EYA1: variants seen among roughly 807,000 people sequenced by gnomAD.
EYA1 encodes the protein protein phosphatase EYA1.
In EYA1, 16 loss-of-function variants were observed where a neutral mutation model predicts 82.0. The observed-to-expected ratio is 0.20, with a 90% CI of 0.13 to 0.30. The LOEUF is 0.30. Among genes scored for constraint, EYA1 ranks in the 10% least tolerant of loss-of-function variants. The probability of loss-of-function intolerance (pLI) is 1.00; values close to 1 mark genes in which losing one functional copy is unlikely to be tolerated. For missense variants in EYA1, 633 were observed against 730.7 expected, an observed-to-expected ratio of 0.87 and a Z score of 1.54; for synonymous variants, 261 against 264.4, an observed-to-expected ratio of 0.99 and a Z score of 0.12.
chr8:71,452,539 C>T (rs1807478586), intron 2 of EYA1, among the ~76,000 whole-genome samples: 2 of 152,174 alleles, frequency 1.3e-5, no homozygotes, highest in African/African-American at 4.8e-5. Context: ...AGACTGACAC[C>T]TCACACGACT....
intron 2 of EYA1, among the ~76,000 whole-genome samples, chr8:71,471,562 A>G (rs192310011): frequency 9.9e-5 from 15 of 152,202 alleles, no homozygotes; most frequent in African/African-American, 3.6e-4. Flanking sequence ...AATAAAACAC[A>G]AAAGTGATCT....
Position 71,199,391 on chromosome 8 carries a change from G to T in EYA1, c.1728C>A (p.Ser576Arg), listed in dbSNP as rs1806637940. ...KHAMPFWRIS[S>R]HSDLMALHHA... is the part of the protein sequence containing the mutation. ...GGTGCAGGGCCATGAGGTCCGAGTGGCTGGAGATCCTCCAGAAGGGCATCG... is the reference window on the plus strand; with the variant it reads ...GGTGCAGGGCCATGAGGTCCGAGTGTCTGGAGATCCTCCAGAAGGGCATCG... Residue 576 changes from serine (S) to arginine (R), a missense_variant, in exon 18 of 18, where the codon AGC (serine) becomes AGA (arginine). Ser to Arg is a moderately radical substitution (Grantham distance 110). Coordinates refer to ENST00000340726, the MANE Select transcript of EYA1 (RefSeq NM_000503.6). 6.2e-7 allele frequency: 1 copy of T among 1,613,270 alleles called. No homozygotes were observed. Among genetic ancestry groups the T allele is most frequent in the Non-Finnish European group, 8.5e-7 (1 of 1,179,820 alleles).
intron 12 of EYA1, among the ~76,000 whole-genome samples, chr8:71,217,999 C>T (rs1168544644): frequency 6.6e-6 from 1 of 152,156 alleles, no homozygotes; most frequent in Admixed American, 6.5e-5. Context: ...AATTTGGAGG[C>T]AGACAAGGAC....
At chr8:71,362,772 T>C (rs1193951979), upstream of EYA1, among the ~76,000 whole-genome samples, 1 of 152,196 alleles carries the variant, frequency 6.6e-6, no homozygotes, top group Non-Finnish European at 1.5e-5. Flanking sequence ...ACTCTTTCTT[T>C]ACAGCTTATT....
Position 71,279,257 on chromosome 8 carries a change from T to C in EYA1, c.827-7360A>G, listed in dbSNP as rs529654376. 9.8e-5 allele frequency among the ~76,000 whole-genome samples: 15 copies of C among 152,352 alleles called. No individual in the cohort carries two copies. In the East Asian group the frequency reaches 2.5e-3, roughly 25 times the overall value. ...ACTTCCCTAAATGTAGATTCCATCA[T>C]GTTCAAGACTCAAGCCTTAAAGCAC... On this transcript the variant is annotated intron_variant, in intron 9 of 17. Coordinates refer to ENST00000340726, the MANE Select transcript of EYA1 (RefSeq NM_000503.6).
intron 9 of EYA1, among the ~76,000 whole-genome samples, chr8:71,297,338 C>A (rs966270024): frequency 3.9e-5 from 6 of 152,134 alleles, no homozygotes; most frequent in African/African-American, 1.4e-4. Context: ...GTTTCAGAGA[C>A]AAACACTTAT....
intron 10 of EYA1, chr8:71,270,154 T>C (rs965675660): frequency 4.2e-6 from 1 of 240,522 alleles, no homozygotes; most frequent in African/African-American, 2.3e-5. Flanking sequence ...TGGTTATAAC[T>C]TGAGATAGAG....
chr8:71,375,133 A>C (rs926171758), intron 2 of EYA1, among the ~76,000 whole-genome samples: 3 of 152,154 alleles, frequency 2.0e-5, no homozygotes, highest in Non-Finnish European at 2.9e-5. Context: ...TGCAGAGTAC[A>C]TTTTAGATAC....
At chr8:71,343,421 C>A (rs1388558131) in intron 3 of EYA1, among the ~76,000 whole-genome samples, 1 of 152,132 alleles carries the variant, frequency 6.6e-6, no homozygotes, top group Non-Finnish European at 1.5e-5. Flanking sequence ...AGCGCTCCAC[C>A]CTCACGAATG....
At chr8:71,357,444 G>C (rs1413716007) in intron 1 of EYA1, among the ~76,000 whole-genome samples, 1 of 152,220 alleles carries the variant, frequency 6.6e-6, no homozygotes, top group Admixed American at 6.5e-5. Flanking sequence ...TAAAGCTCAG[G>C]TGAGGCCAGG....
intron 16 of EYA1, among the ~76,000 whole-genome samples, chr8:71,214,345 C>T (rs1389135607): frequency 6.6e-6 from 1 of 152,184 alleles, no homozygotes; most frequent in East Asian, 1.9e-4. Flanking sequence ...GCAGGGAACA[C>T]ATTTTAATTT....
rs183710864 is a variant in EYA1, at chr8:71,329,059, C to T, written c.202+5038G>A. 1.6e-4 allele frequency among the ~76,000 whole-genome samples: 25 copies of T among 152,242 alleles called. No homozygotes were observed. The East Asian group carries it at 1.9e-3, about 12-fold the overall frequency. Reference sequence around the variant, plus strand: ...TACAGTTTAGCAGGAAGACAGAGACCGAGGATTAATCCCATAAGTAGTGAT... The same window carrying T: ...TACAGTTTAGCAGGAAGACAGAGACTGAGGATTAATCCCATAAGTAGTGAT... On this transcript the variant is annotated intron_variant, in intron 4 of 17. Transcript: ENST00000340726.
intron 7 of EYA1, among the ~76,000 whole-genome samples, chr8:71,307,832 C>G (rs566207032): frequency 6.6e-6 from 1 of 152,168 alleles, no homozygotes; most frequent in Admixed American, 6.5e-5. Flanking sequence ...AGAACACTGA[C>G]GCATGGTCCA....
At chr8:71,536,759 ACTT>A (rs1336009041) in intron 1 of EYA1, among the ~76,000 whole-genome samples, 1 of 152,214 alleles carries the variant, frequency 6.6e-6, no homozygotes, top group African/African-American at 2.4e-5. Flanking sequence ...TAGTAGTGTA[ACTT>A]CAGTATCACT....
At chr8:71,523,124 C>T (rs1406056199) in intron 2 of EYA1, among the ~76,000 whole-genome samples, 1 of 148,956 alleles carries the variant, frequency 6.7e-6, no homozygotes, top group East Asian at 2.0e-4. Context: ...CGGGCCTGGT[C>T]TTCCAAAGTA....
chr8:71,466,942 T>C (rs1808813619), intron 2 of EYA1, among the ~76,000 whole-genome samples: 2 of 152,114 alleles, frequency 1.3e-5, no homozygotes, highest in African/African-American at 4.8e-5. Context: ...AACTTTTATG[T>C]TTCCTCACAA....
chr8:71,269,058 T>C (rs1046776848), intron 11 of EYA1, among the ~76,000 whole-genome samples: 3 of 152,208 alleles, frequency 2.0e-5, no homozygotes, highest in African/African-American at 7.2e-5. Context: ...CATTTTTGCC[T>C]GGGAAAGACT....
intron 2 of EYA1, among the ~76,000 whole-genome samples, chr8:71,503,574 A>G (rs955635171): frequency 1.3e-5 from 2 of 152,304 alleles, no homozygotes; most frequent in Middle Eastern, 3.4e-3. Flanking sequence ...GAATATAGAA[A>G]CATACTCTTA....
At chr8:71,544,328 G>A (rs1815380397) in intron 1 of EYA1, among the ~76,000 whole-genome samples, 1 of 152,128 alleles carries the variant, frequency 6.6e-6, no homozygotes, top group Admixed American at 6.5e-5. Context: ...TCTAGGGCAG[G>A]AATCATCCGA....
Sources: gnomAD v4.1 joint callset for allele counts (sites outside exome capture counted in the v4.1 genomes callset) on GRCh38, gnomAD v4.1.1 for gene constraint, MANE v1.5 for transcripts, NCBI Gene and HGNC (gene_info 2026-07-23, HGNC 2026-07-21) for gene names.